ADH1B: variants seen among roughly 807,000 people sequenced by gnomAD.
ADH1B encodes all-trans-retinol dehydrogenase [NAD(+)] ADH1B.
A neutral mutation model predicts 34.6 loss-of-function variants in ADH1B; 29 were observed. That is an observed-to-expected ratio of 0.84 (90% CI 0.62 to 1.14). The LOEUF (loss-of-function observed/expected upper bound fraction) is 1.14. Among genes scored for constraint, ADH1B ranks in the 50% most tolerant of loss-of-function variants. ADH1B has a pLI of 0.00. For synonymous variants in ADH1B, 170 were observed against 175.5 expected (o/e 0.97, Z 0.25); for missense variants, 424 against 468.4 (o/e 0.91, Z 0.87).
intron 5 of ADH1B, 149 bp from the exon 6 acceptor site, chr4:99,314,230 C>T: frequency 7.6e-7 from 1 of 1,319,068 alleles, no homozygotes; most frequent in Middle Eastern, 2.1e-4. Context: ...GCTTCAGTTG[C>T]TTTATTTTTA....
rs370031363 is a variant in ADH1B at position 99,310,896 on chromosome 4, C to A, written c.972G>T (p.Lys324Asn). 2.1e-5 allele frequency: 34 copies of A among 1,612,444 alleles called. No individual in the cohort carries two copies. Among genetic ancestry groups the A allele is most frequent in the Middle Eastern group, 1.6e-4 (1 of 6,074 alleles). Residue 324 changes from lysine to asparagine, a missense_variant, in exon 8 of 9, where the codon AAG becomes AAT. By Grantham distance (94) the Lys-to-Asn change is moderately conservative. Around this residue, in one of 3 missense-constraint regions of ADH1B, gnomAD observed 130 missense variants for 151.8 expected, o/e 0.86. Coordinates refer to ENST00000305046, the MANE Select transcript of ADH1B (RefSeq NM_000668.6). ...CAAGTTTTGGGATACCTTCTTTACT[C>A]TTAAAGCCTGAAAAGAAGACAGTAT... ...TWKGAVYGGFKSKEGIPKLVA... is the reference protein window; with the variant it reads ...TWKGAVYGGFNSKEGIPKLVA...
At chr4:99,307,897 A>C in intron 8 of ADH1B, 33 bp from the exon 9 acceptor site, 11 of 1,613,882 alleles carry the variant, frequency 6.8e-6, no homozygotes, top group Non-Finnish European at 9.3e-6. Flanking sequence ...TTGTGTTAAC[A>C]TTTAGACAAC....
chr4:99,318,956 T>C (rs1445006316), intron 1 of ADH1B, 70 bp from the exon 2 acceptor site: 1 of 1,502,902 alleles, frequency 6.7e-7, no homozygotes, highest in Admixed American at 1.7e-5. Context: ...TGTCTTTTCA[T>C]CTTTGTACAT....
rs186857899 is a variant in ADH1B at position 99,311,678 on chromosome 4, G to A, written c.829-22C>T. 4.4e-5 allele frequency: 71 copies of A among 1,612,580 alleles called. No individual in the cohort carries two copies. The Admixed American group carries it at 1.0e-3, about 23-fold the overall frequency. On this transcript the variant is annotated intron_variant, in intron 6 of 8. Coordinates refer to ENST00000305046, the MANE Select transcript of ADH1B (RefSeq NM_000668.6). ...CCATCTGGAATAAAGTGAATATTTA[G>A]CATCCTTAACGTGGAGTCGCATAGT...
At chr4:99,311,699 A>T (rs28914777) in intron 6 of ADH1B, 43 bp from the exon 7 acceptor site, 40 of 1,608,032 alleles carry the variant, frequency 2.5e-5, no homozygotes, top group Non-Finnish European at 3.1e-5. Context: ...GTGGAGTCGC[A>T]TAGTTCCTAC....
rs979397174 is a variant in ADH1B, at chr4:99,306,375, G to A, written c.*1465C>T. ...ATTTACATGGCCCTTCTTAATTGGCGAAGCTCTTTCATTAACATCATCCCA... is the reference window on the plus strand; with the variant it reads ...ATTTACATGGCCCTTCTTAATTGGCAAAGCTCTTTCATTAACATCATCCCA... On this transcript the variant is annotated 3_prime_UTR_variant, in exon 9 of 9. Transcript: ENST00000305046. 1 of 151,934 alleles carries A rather than the reference G, an allele frequency of 6.6e-6. No individual in the cohort carries two copies. The highest frequency in any genetic ancestry group is 2.4e-5 in the African/African-American group (1 of 41,330). The allele number at this position is 151,934 out of a possible 1,614,324, so 9.4% of individuals were successfully genotyped here. A position where few individuals can be genotyped will look rare whatever the true frequency, so the allele number is the denominator to read the frequency against.
rs139645116 is a variant in ADH1B, at chr4:99,316,012, C to T, written c.453G>A (p.Thr151=). The T allele has an allele frequency of 3.7e-4, 598 of 1,614,178 alleles. 1 individual carries two copies. The African/African-American group carries it at 7.3e-3, about 20-fold the overall frequency. Residue 151 remains threonine, a synonymous_variant, in exon 5 of 9, where the codon ACG becomes ACA. Coordinates refer to ENST00000305046, the MANE Select transcript of ADH1B (RefSeq NM_000668.6). ...FLGTSTFSQY[T]VVDENAVAKI... is the part of the protein sequence containing the mutation. ...TGGCCACTGCATTCTCATCCACCAC[C>T]GTGTACTGGGAGAAGGTGCTGGTGC...
chr4:99,318,121 G>A lies in ADH1B; in HGVS notation c.184C>T (p.Leu62Phe), dbSNP rs769213527. Residue 62 changes from leucine to phenylalanine, a missense_variant, in exon 3 of 9, where the codon CTT becomes TTT. By Grantham distance (22) the Leu-to-Phe change is conservative. Around this residue, in one of 3 missense-constraint regions of ADH1B, gnomAD observed 291 missense variants for 300.4 expected, o/e 0.97. Transcript: ENST00000305046. Reference sequence around the variant, plus strand: ...GCCTCATGGCCTAAAATCACAGGAAGGGGGGTCACCAGGTTGCCACTAACC... The same window carrying A: ...GCCTCATGGCCTAAAATCACAGGAAAGGGGGTCACCAGGTTGCCACTAACC... ...HVVSGNLVTP[L>F]PVILGHEAAG... The A allele has an allele frequency of 1.2e-6, 2 of 1,613,904 alleles. No homozygotes were observed. Among genetic ancestry groups the A allele is most frequent in the Non-Finnish European group, 1.7e-6 (2 of 1,179,968 alleles).
chr4:99,310,919 T>C lies in ADH1B; in HGVS notation c.965-16A>G, dbSNP rs750020985. 1 of 1,609,686 alleles carries C rather than the reference T, an allele frequency of 6.2e-7. No individual in the cohort carries two copies. The highest frequency in any genetic ancestry group is 8.5e-7 in the Non-Finnish European group (1 of 1,178,680). ...CTCTTAAAGCCTGAAAAGAAGACAG[T>C]ATCATTGTTGGATTCAGCTAGGGTA... On this transcript the variant is annotated splice_polypyrimidine_tract_variant and intron_variant, in intron 7 of 8. Coordinates refer to ENST00000305046, the MANE Select transcript of ADH1B (RefSeq NM_000668.6).
intron 5 of ADH1B, chr4:99,315,649 G>T (rs1733862418): frequency 3.6e-6 from 2 of 558,946 alleles, no homozygotes; most frequent in Non-Finnish European, 6.3e-6. Flanking sequence ...AAAATTTCAT[G>T]ATCCCATAAA....
rs71996730 is a variant in ADH1B, at chr4:99,305,501, C to CATATATATATATAT, written c.*2325_*2338dup. On this transcript the variant is annotated 3_prime_UTR_variant, in exon 9 of 9. Coordinates refer to ENST00000305046, the MANE Select transcript of ADH1B (RefSeq NM_000668.6). ...AGCCAATACTTTCTACACTGGAATACATATATATATATATATATATATACA... is the reference window on the plus strand; with the variant it reads ...AGCCAATACTTTCTACACTGGAATACATATATATATATATATATATATATATATATATATATACA... 1.5e-4 allele frequency: 14 copies of CATATATATATATAT among 94,374 alleles called. No homozygotes were observed. The highest frequency in any genetic ancestry group is 4.8e-4 in the African/African-American group (10 of 20,942). 5.8% of individuals were successfully genotyped at this position (94,374 alleles called of 1,614,324 possible).
intron 1 of ADH1B, chr4:99,320,931 T>A: frequency 7.9e-7 from 1 of 1,258,028 alleles, no homozygotes; most frequent in Non-Finnish European, 1.0e-6. Flanking sequence ...TCATAAAAAA[T>A]TTGAATAAAA....
At chr4:99,320,598 C>A (rs1033204880) in intron 1 of ADH1B, 2 of 205,014 alleles carry the variant, frequency 9.8e-6, no homozygotes, top group East Asian at 1.7e-4. Flanking sequence ...GAAGAAAAAA[C>A]CAAATATCTG....
chr4:99,313,657 G>C (rs1461882998), intron 6 of ADH1B, 164 bp downstream of exon 6: 8 of 1,324,672 alleles, frequency 6.0e-6, no homozygotes, highest in South Asian at 5.9e-5. Context: ...TGGAAGAGAA[G>C]ATTTCTCATA....
At chr4:99,313,430 A>G (rs1450485185) in intron 6 of ADH1B, 1 of 195,890 alleles carries the variant, frequency 5.1e-6, no homozygotes, top group Non-Finnish European at 1.0e-5. Flanking sequence ...TTTATTAAGA[A>G]CATAGGCAAA....
chr4:99,310,153 G>A (rs1209794499), intron 8 of ADH1B, among the ~76,000 whole-genome samples: 1 of 151,954 alleles, frequency 6.6e-6, no homozygotes, highest in Non-Finnish European at 1.5e-5. Context: ...AATAGAATTG[G>A]CTTATTTTTC....
Position 99,311,614 on chromosome 4 carries a change from C to A in ADH1B, c.871G>T (p.Val291Phe). The change falls in exon 7 of 9, where the codon GTC becomes TTC. Residue 291 changes from valine to phenylalanine, a missense_variant. Coordinates refer to ENST00000305046, the MANE Select transcript of ADH1B (RefSeq NM_000668.6). Reference protein sequence around the residue: ...LCCHEACGTSVIVGVPPASQN... With the variant: ...LCCHEACGTSFIVGVPPASQN... ...GAAGCAGGAGGTACCCCTACGATGA[C>A]GCTTGTGCCACATGCCTCATGACAA... The A allele has an allele frequency of 6.2e-6, 10 of 1,613,990 alleles. No homozygotes were observed. The highest frequency in any genetic ancestry group is 8.5e-6 in the Non-Finnish European group (10 of 1,179,924).
chr4:99,310,995 G>T lies in ADH1B; in HGVS notation c.965-92C>A, dbSNP rs189599797. On this transcript the variant is annotated intron_variant, in intron 7 of 8. Coordinates refer to ENST00000305046, the MANE Select transcript of ADH1B (RefSeq NM_000668.6). Reference sequence around the variant, plus strand: ...TCCAAATAAATCAAAGTTTAGAAAAGGTGCTCCATTCCAGACTGCTATAAC... The same window carrying T: ...TCCAAATAAATCAAAGTTTAGAAAATGTGCTCCATTCCAGACTGCTATAAC... 44 of 1,467,498 alleles carry T rather than the reference G, an allele frequency of 3.0e-5. No homozygotes were observed. The Admixed American group carries it at 8.6e-4, about 29-fold the overall frequency. The allele number at this position is 1,467,498 out of a possible 1,614,324, so 90.9% of individuals were successfully genotyped here. A position where few individuals can be genotyped will look rare whatever the true frequency, so the allele number is the denominator to read the frequency against.
chr4:99,314,280 A>T, intron 5 of ADH1B, 199 bp from the exon 6 acceptor site: 2 of 840,742 alleles, frequency 2.4e-6, no homozygotes, highest in East Asian at 5.4e-5. Flanking sequence ...TTTCAAACTG[A>T]TGCATATTAG....
Sources: allele counts gnomAD v4.1 joint callset (sites outside exome capture counted in the v4.1 genomes callset), GRCh38; gene constraint gnomAD v4.1.1; regional missense constraint gnomAD v4.1.1; transcripts MANE v1.5; gene names NCBI Gene and HGNC (gene_info 2026-07-23, HGNC 2026-07-21).